Variants in SYNE1 observed in about 807,000 individuals in gnomAD.
SYNE1 encodes spectrin repeat containing nuclear envelope protein 1, also known as nesprin-1.
SYNE1 carries 616 observed loss-of-function variants against 1,111.0 expected under a neutral mutation model. The observed-to-expected ratio is 0.55, with a 90% confidence interval of 0.52 to 0.59. SYNE1 has a LOEUF of 0.59. Ranked by LOEUF, SYNE1 falls within the 20% of genes least tolerant of loss-of-function variation. SYNE1 has a pLI of 0.00. For synonymous variants in SYNE1, 3,855 were observed against 3,825.8 expected (o/e 1.01, Z -0.28); for missense variants, 10,006 against 10,417.0 (o/e 0.96, Z 1.72).
rs767783076 is a variant in SYNE1 at position 152,435,977 on chromosome 6, T to A, written c.4274A>T (p.Glu1425Val). Residue 1425 changes from glutamate to valine, a missense_variant, in exon 33 of 146, where the codon GAA becomes GTA. This residue lies in a region of SYNE1 where 1,971 missense variants were observed against 2,084.1 expected (regional missense o/e 0.95). Transcript: ENST00000367255. ...LLQQQAKSIK[E>V]QVKKLEDTLE... ...CGTGTCTTCTAATTTTTTGACTTGT[T>A]CTTTGATTGACTTGGCCTGCTGTTG... 108 of 1,614,048 alleles carry A rather than the reference T, an allele frequency of 6.7e-5. No individual in the cohort carries two copies. The highest frequency in any genetic ancestry group is 8.5e-5 in the Non-Finnish European group (100 of 1,180,028).
At position 152,449,658 on chromosome 6, in the gene SYNE1, A is replaced by T. The variant is rs144838502; in HGVS notation, c.3396-17T>A. 395 of 1,563,024 alleles carry T rather than the reference A, an allele frequency of 2.5e-4. 4 individuals are homozygous for T. The East Asian group carries it at 8.4e-3, about 33-fold the overall frequency. ...TCAGAGAATCTGAAATAACATAAGC[A>T]CTTTCTTATTAAAGGGAGAACATAC... is the stretch of plus-strand genomic sequence containing the variant. On this transcript the variant is annotated splice_polypyrimidine_tract_variant and intron_variant, in intron 27 of 145. Coordinates refer to ENST00000367255, the MANE Select transcript of SYNE1 (RefSeq NM_182961.4).
intron 87 of SYNE1, among the ~76,000 whole-genome samples, chr6:152,314,969 G>C (rs1227635712): frequency 7.0e-6 from 1 of 142,228 alleles, no homozygotes. Flanking sequence ...TACAGCCTGG[G>C]CGATAGAGCG....
Position 152,331,459 on chromosome 6 carries a change from T to G in SYNE1, c.13226A>C (p.Asp4409Ala). Reference protein sequence around the residue: ...MLLKSLIKDADRVMADLGLNE... With the variant: ...MLLKSLIKDAARVMADLGLNE... ...GAGACCAAGATCTGCCATGACCCTG[T>G]CTGCGTCCTTTATAAGCGATTTCAG... The change falls in exon 78 of 146, where the codon GAC (aspartate) becomes GCC (alanine). Residue 4409 changes from aspartate (D) to alanine (A), a missense_variant. Physicochemically the swap from Asp to Ala is moderately radical, Grantham distance 126. Around this residue, in one of 7 missense-constraint regions of SYNE1, gnomAD observed 4,955 missense variants for 5,017.2 expected, o/e 0.99. Transcript: ENST00000367255. The G allele has an allele frequency of 6.2e-7, 1 of 1,614,184 alleles. No homozygotes were observed.
At chr6:152,510,075 A>T in intron 8 of SYNE1, 118 bp downstream of exon 8, 1 of 1,058,128 alleles carries the variant, frequency 9.5e-7, no homozygotes, top group Non-Finnish European at 1.5e-6. Flanking sequence ...AATAAGCGCT[A>T]AAGCAAAGCC....
intron 40 of SYNE1, among the ~76,000 whole-genome samples, chr6:152,417,967 C>G (rs1417029785): frequency 1.3e-5 from 2 of 151,998 alleles, no homozygotes; most frequent in Non-Finnish European, 2.9e-5. Flanking sequence ...ATTTGACTAG[C>G]TCACAATAAA....
chr6:152,174,767 C>A (rs1245217188), intron 130 of SYNE1, among the ~76,000 whole-genome samples: 1 of 152,162 alleles, frequency 6.6e-6, no homozygotes, highest in African/African-American at 2.4e-5. Context: ...GTAAAATGGG[C>A]ATAATGATAA....
chr6:152,176,704 G>C (rs1184625718), intron 129 of SYNE1, 144 bp from the exon 130 acceptor site: 1 of 828,686 alleles, frequency 1.2e-6, no homozygotes, highest in African/African-American at 1.7e-5. Flanking sequence ...ATCAGCCCAT[G>C]TGCACAAGTA....
chr6:152,621,726 C>A (rs1469788641), intron 3 of SYNE1, among the ~76,000 whole-genome samples: 1 of 151,954 alleles, frequency 6.6e-6, no homozygotes, highest in African/African-American at 2.4e-5. Context: ...GCTTAGAGGA[C>A]CAAGCACTAC....
At chr6:152,451,275 G>T in intron 25 of SYNE1, 70 bp from the exon 26 acceptor site, 1 of 1,466,120 alleles carries the variant, frequency 6.8e-7, no homozygotes, top group Non-Finnish European at 9.2e-7. Context: ...AATTGAAGTG[G>T]CAAAAAAAAA....
At chr6:152,630,892 T>C (rs890419537) in intron 2 of SYNE1, among the ~76,000 whole-genome samples, 2 of 152,250 alleles carry the variant, frequency 1.3e-5, no homozygotes, top group Non-Finnish European at 2.9e-5. Context: ...TCTGAAATAC[T>C]GTGCATGCCC....
chr6:152,204,380 G>GA (rs768655297), intron 126 of SYNE1, among the ~76,000 whole-genome samples: 13,793 of 139,954 alleles, frequency 0.099, 707 homozygotes, highest in South Asian at 0.19. Context: ...AAAAAAAAAA[G>GA]AAAAAAAAAC....
At chr6:152,600,919 A>G (rs2099594600) in intron 3 of SYNE1, among the ~76,000 whole-genome samples, 1 of 152,242 alleles carries the variant, frequency 6.6e-6, no homozygotes, top group Admixed American at 6.5e-5. Context: ...AAAGAACTAA[A>G]TGTCCAGTGA....
intron 32 of SYNE1, among the ~76,000 whole-genome samples, chr6:152,436,461 C>T (rs1269918007): frequency 6.6e-6 from 1 of 152,168 alleles, no homozygotes; most frequent in South Asian, 2.1e-4. Context: ...ACTACCACAT[C>T]TGGCTAATTT....
intron 139 of SYNE1, among the ~76,000 whole-genome samples, chr6:152,140,473 A>G (rs1459808852): frequency 1.3e-5 from 2 of 152,194 alleles, no homozygotes; most frequent in Non-Finnish European, 2.9e-5. Context: ...CCTGTCTACA[A>G]TAGGGCTCTG....
intron 125 of SYNE1, among the ~76,000 whole-genome samples, chr6:152,207,206 TC>T (rs2076677002): frequency 6.6e-6 from 1 of 152,122 alleles, no homozygotes; most frequent in African/African-American, 2.4e-5. Context: ...TAATGGCACT[TC>T]CTGGAAGTGT....
chr6:152,221,355 T>C, intron 118 of SYNE1, 71 bp downstream of exon 118: 1 of 1,552,236 alleles, frequency 6.4e-7, no homozygotes, highest in Non-Finnish European at 8.8e-7. Flanking sequence ...AAACTGTCAT[T>C]GTTTTAATTA....
chr6:152,209,946 G>A (rs181626170), intron 124 of SYNE1, among the ~76,000 whole-genome samples: 5 of 152,082 alleles, frequency 3.3e-5, no homozygotes, highest in East Asian at 1.9e-4. Context: ...TGAGAATATC[G>A]TATAATCTTG....
At chr6:152,174,630 GA>G (rs2065941627) in intron 130 of SYNE1, among the ~76,000 whole-genome samples, 1 of 152,190 alleles carries the variant, frequency 6.6e-6, no homozygotes, top group Admixed American at 6.5e-5. Context: ...CAGGGAAAAG[GA>G]AGTCACAAAC....
rs771955377 is a variant in SYNE1 at position 152,428,273 on chromosome 6, G to A, written c.4908C>T (p.Tyr1636=). ...VQEAAALQQQ[Y]EDILRRAKER... is the part of the protein sequence containing the mutation. Reference sequence around the variant, plus strand: ...CCTTCGCCCTCCTTAGGATGTCCTCGTATTGCTGCTGTAGAGCCGCAGCCT... The same window carrying A: ...CCTTCGCCCTCCTTAGGATGTCCTCATATTGCTGCTGTAGAGCCGCAGCCT... Residue 1636 remains tyrosine (Y), a synonymous_variant, in exon 37 of 146, where the codon TAC becomes TAT. Transcript: ENST00000367255. The A allele has an allele frequency of 7.4e-6, 12 of 1,613,946 alleles. No individual in the cohort carries two copies. The highest frequency in any genetic ancestry group is 5.3e-5 in the African/African-American group (4 of 74,916).
Sources: gnomAD v4.1 joint callset for allele counts (sites outside exome capture counted in the v4.1 genomes callset) on GRCh38, gnomAD v4.1.1 for gene constraint, gnomAD v4.1.1 regional missense constraint, MANE v1.5 for transcripts, NCBI Gene and HGNC (gene_info 2026-07-23, HGNC 2026-07-21) for gene names.